Variants in OR11H6 observed in about 807,000 individuals in gnomAD.
The protein encoded by OR11H6 is olfactory receptor family 11 subfamily H member 6, also known as olfactory receptor 11H6.
In OR11H6, 4 loss-of-function variants were observed where a neutral mutation model predicts 9.2. The observed-to-expected ratio is 0.44, with a 90% CI of 0.21 to 1.00. OR11H6 has a LOEUF of 1.00. Ranked by LOEUF, OR11H6 falls within the 50% of genes least tolerant of loss-of-function variation. OR11H6 has a pLI of 0.26. For synonymous variants in OR11H6, 136 were observed against 148.9 expected (o/e 0.91, Z 0.63); for missense variants, 381 against 390.9 (o/e 0.97, Z 0.21).
In OR11H6 at chr14:20,223,802, C is replaced by A. The variant is rs569846585; in HGVS notation, c.93C>A (p.Val31=). 21 of 1,614,046 alleles carry A rather than the reference C, an allele frequency of 1.3e-5. No homozygotes were observed. The African/African-American group carries it at 2.7e-4, about 20-fold the overall frequency. ...NRTMHFVTEF[V]LLGFHGQREM... is the part of the protein sequence containing the mutation. ...CAATGCATTTTGTGACTGAGTTTGTCCTCCTGGGTTTCCATGGTCAAAGGG... is the reference window on the plus strand; with the variant it reads ...CAATGCATTTTGTGACTGAGTTTGTACTCCTGGGTTTCCATGGTCAAAGGG... The change falls in exon 1 of 1, where the codon GTC becomes GTA. Residue 31 remains valine (V), a synonymous_variant. Transcript: ENST00000315519.
Position 20,224,132 on chromosome 14 carries a change from C to T in OR11H6, c.423C>T (p.Tyr141=), listed in dbSNP as rs34693535. The change falls in exon 1 of 1, where the codon TAC becomes TAT. Residue 141 remains tyrosine, a synonymous_variant. Coordinates refer to ENST00000315519, the MANE Select transcript of OR11H6 (RefSeq NM_001004480.1). Reference sequence around the variant, plus strand: ...TATCAGTTATGGCTTATGATCGGTACCTGGCCATCTGTCGTCCATTACACT... The same window carrying T: ...TATCAGTTATGGCTTATGATCGGTATCTGGCCATCTGTCGTCCATTACACT... ...FFLSVMAYDR[Y]LAICRPLHYP... The T allele has an allele frequency of 0.47, 753,737 of 1,611,888 alleles. 179,908 individuals are homozygous for T. Among genetic ancestry groups the T allele is most frequent in the African/African-American group, 0.52 (38,615 of 74,900 alleles).
In OR11H6 at chr14:20,224,016, A is replaced by G. The variant is rs748818827; in HGVS notation, c.307A>G (p.Ile103Val). ...CACTGTCCCAAACATGCTAGTCAAT[A>G]TCCTCTCTGAGATTAAAACCATCTC... Reference protein sequence around the residue: ...SSTVPNMLVNILSEIKTISFS... With the variant: ...SSTVPNMLVNVLSEIKTISFS... Residue 103 changes from isoleucine (I) to valine (V), a missense_variant, in exon 1 of 1, where the codon ATC becomes GTC. Coordinates refer to ENST00000315519, the MANE Select transcript of OR11H6 (RefSeq NM_001004480.1). The G allele has an allele frequency of 9.9e-6, 16 of 1,614,086 alleles. No individual in the cohort carries two copies. Among genetic ancestry groups the G allele is most frequent in the Non-Finnish European group, 1.4e-5 (16 of 1,179,990 alleles).
At position 20,224,088 on chromosome 14, in the gene OR11H6, A is replaced by G; in HGVS notation, c.379A>G (p.Thr127Ala). Residue 127 changes from threonine to alanine, a missense_variant, in exon 1 of 1, where the codon ACA (threonine) becomes GCA (alanine). Thr to Ala is a moderately conservative substitution (Grantham distance 58). Transcript: ENST00000315519. Reference sequence around the variant, plus strand: ...ATTCTATTTCTTTTTTTCACTGGGTACAACAGAGTGTTTCTTTTTATCAGT... The same window carrying G: ...ATTCTATTTCTTTTTTTCACTGGGTGCAACAGAGTGTTTCTTTTTATCAGT... ...LQFYFFFSLGTTECFFLSVMA... is the reference protein window; with the variant it reads ...LQFYFFFSLGATECFFLSVMA... 1.9e-6 allele frequency: 3 copies of G among 1,613,844 alleles called. No homozygotes were observed. Among genetic ancestry groups the G allele is most frequent in the Non-Finnish European group, 2.5e-6 (3 of 1,179,736 alleles).
Position 20,223,909 on chromosome 14 carries a change from T to C in OR11H6, c.200T>C (p.Val67Ala), listed in dbSNP as rs1443427372. 1 of 1,614,042 alleles carries C rather than the reference T, an allele frequency of 6.2e-7. No individual in the cohort carries two copies. The highest frequency in any genetic ancestry group is 8.5e-7 in the Non-Finnish European group (1 of 1,180,028). ...LLGNGAIVCA[V>A]KLDRRLHTPM... ...GGGAATGGAGCTATTGTCTGTGCAG[T>C]GAAATTGGACAGGCGGCTCCACACA... Residue 67 changes from valine to alanine, a missense_variant, in exon 1 of 1, where the codon GTG becomes GCG. Physicochemically the swap from Val to Ala is moderately conservative, Grantham distance 64. Transcript: ENST00000315519.
At position 20,224,610 on chromosome 14, in the gene OR11H6, C is replaced by G; in HGVS notation, c.901C>G (p.Pro301Ala). The stretch of plus-strand genomic sequence containing the variant: ...CACTCTGGTATACACAGCAATGACT[C>G]CATTCTTAAATCCCCTTATCTATAG... ...IITLVYTAMTPFLNPLIYSLR... is the reference protein window; with the variant it reads ...IITLVYTAMTAFLNPLIYSLR... The change falls in exon 1 of 1, where the codon CCA becomes GCA. Residue 301 changes from proline to alanine, a missense_variant. Physicochemically the swap from Pro to Ala is conservative, Grantham distance 27. Transcript: ENST00000315519. 6.2e-7 allele frequency: 1 copy of G among 1,614,030 alleles called. No individual in the cohort carries two copies. Among genetic ancestry groups the G allele is most frequent in the South Asian group, 1.1e-5 (1 of 91,074 alleles).
In OR11H6 at chr14:20,224,323, T is replaced by C; in HGVS notation, c.614T>C (p.Leu205Pro). The C allele has an allele frequency of 6.2e-7, 1 of 1,613,960 alleles. No homozygotes were observed. The highest frequency in any genetic ancestry group is 8.5e-7 in the Non-Finnish European group (1 of 1,179,830). ...LVCDPGPLFA[L>P]ACISAPSTEL... ...TGTGACCCAGGCCCATTGTTTGCAC[T>C]GGCCTGCATCTCTGCTCCTTCCACT... The change falls in exon 1 of 1, where the codon CTG becomes CCG. Residue 205 changes from leucine (L) to proline (P), a missense_variant. By Grantham distance (98) the Leu-to-Pro change is moderately conservative. Coordinates refer to ENST00000315519, the MANE Select transcript of OR11H6 (RefSeq NM_001004480.1).
At position 20,224,015 on chromosome 14, in the gene OR11H6, T is replaced by C. The variant is rs752879924; in HGVS notation, c.306T>C (p.Asn102=). Reference sequence around the variant, plus strand: ...CCACTGTCCCAAACATGCTAGTCAATATCCTCTCTGAGATTAAAACCATCT... The same window carrying C: ...CCACTGTCCCAAACATGCTAGTCAACATCCTCTCTGAGATTAAAACCATCT... ...ISSTVPNMLV[N]ILSEIKTISF... is the part of the protein sequence containing the mutation. The change falls in exon 1 of 1, where the codon AAT becomes AAC. Residue 102 remains asparagine (N), a synonymous_variant. Coordinates refer to ENST00000315519, the MANE Select transcript of OR11H6 (RefSeq NM_001004480.1). 6 of 1,614,152 alleles carry C rather than the reference T, an allele frequency of 3.7e-6. No individual in the cohort carries two copies. Among genetic ancestry groups the C allele is most frequent in the East Asian group, 4.5e-5 (2 of 44,892 alleles).
chr14:20,224,346 A>G lies in OR11H6; in HGVS notation c.637A>G (p.Thr213Ala). ...FALACISAPSTELICYTFNSM... is the reference protein window; with the variant it reads ...FALACISAPSAELICYTFNSM... ...ACTGGCCTGCATCTCTGCTCCTTCC[A>G]CTGAGCTTATCTGTTACACCTTCAA... The change falls in exon 1 of 1, where the codon ACT becomes GCT. Residue 213 changes from threonine (T) to alanine (A), a missense_variant. By Grantham distance (58) the Thr-to-Ala change is moderately conservative. Coordinates refer to ENST00000315519, the MANE Select transcript of OR11H6 (RefSeq NM_001004480.1). 1.9e-6 allele frequency: 3 copies of G among 1,613,988 alleles called. No homozygotes were observed. The highest frequency in any genetic ancestry group is 1.7e-6 in the Non-Finnish European group (2 of 1,179,998).
rs1192113859 is a variant in OR11H6 at position 20,224,050 on chromosome 14, G to A, written c.341G>A (p.Gly114Asp). Reference protein sequence around the residue: ...LSEIKTISFSGCFLQFYFFFS... With the variant: ...LSEIKTISFSDCFLQFYFFFS... ...GAGATTAAAACCATCTCCTTCTCTGGTTGCTTCCTGCAATTCTATTTCTTT... is the reference window on the plus strand; with the variant it reads ...GAGATTAAAACCATCTCCTTCTCTGATTGCTTCCTGCAATTCTATTTCTTT... The change falls in exon 1 of 1, where the codon GGT (glycine) becomes GAT (aspartate). Residue 114 changes from glycine to aspartate, a missense_variant. Transcript: ENST00000315519. 5 of 1,613,542 alleles carry A rather than the reference G, an allele frequency of 3.1e-6. No individual in the cohort carries two copies. The highest frequency in any genetic ancestry group is 4.2e-6 in the Non-Finnish European group (5 of 1,179,694).
rs1459529479 is a variant in OR11H6, at chr14:20,223,811, T to A, written c.102T>A (p.Gly34=). 3.1e-6 allele frequency: 5 copies of A among 1,614,112 alleles called. No individual in the cohort carries two copies. The Admixed American group carries it at 6.7e-5, about 22-fold the overall frequency. The change falls in exon 1 of 1, where the codon GGT becomes GGA. Residue 34 remains glycine (G), a synonymous_variant. Transcript: ENST00000315519. ...TTGTGACTGAGTTTGTCCTCCTGGG[T>A]TTCCATGGTCAAAGGGAGATGCAGA... ...MHFVTEFVLL[G]FHGQREMQSC...
In OR11H6 at chr14:20,224,365, C is replaced by T. The variant is rs781717037; in HGVS notation, c.656C>T (p.Thr219Ile). 1.9e-6 allele frequency: 3 copies of T among 1,614,166 alleles called. No homozygotes were observed. The highest frequency in any genetic ancestry group is 1.7e-6 in the Non-Finnish European group (2 of 1,180,006). Residue 219 changes from threonine (T) to isoleucine (I), a missense_variant, in exon 1 of 1, where the codon ACC becomes ATC. Thr to Ile is a moderately conservative substitution (Grantham distance 89). Transcript: ENST00000315519. ...CCTTCCACTGAGCTTATCTGTTACA[C>T]CTTCAACTCGATGATTATCTTTGGG... ...SAPSTELICY[T>I]FNSMIIFGPF...
rs774282543 is a variant in OR11H6, at chr14:20,224,180, G to A, written c.471G>A (p.Lys157=). 2 of 1,613,964 alleles carry A rather than the reference G, an allele frequency of 1.2e-6. No individual in the cohort carries two copies. The highest frequency in any genetic ancestry group is 2.2e-5 in the South Asian group (2 of 91,082). The change falls in exon 1 of 1, where the codon AAG becomes AAA. Residue 157 remains lysine, a synonymous_variant. Transcript: ENST00000315519. ...ACTACCCCTCCATCATGACTGGGAA[G>A]TTCTGTATAATTCTGGTCTGTGTAT... ...PLHYPSIMTG[K]FCIILVCVCW... is the part of the protein sequence containing the mutation.
chr14:20,223,843 T>G lies in OR11H6; in HGVS notation c.134T>G (p.Phe45Cys), dbSNP rs375505746. The G allele has an allele frequency of 2.0e-4, 321 of 1,614,136 alleles. 3 individuals carry two copies. In the South Asian group the frequency reaches 2.4e-3, roughly 12 times the overall value. ...GGTCAAAGGGAGATGCAGAGCTGCT[T>G]CTTCTCATTCATCCTGGTTCTCTAT... ...FHGQREMQSC[F>C]FSFILVLYLL... is the part of the protein sequence containing the mutation. Residue 45 changes from phenylalanine (F) to cysteine (C), a missense_variant, in exon 1 of 1, where the codon TTC becomes TGC. By Grantham distance (205) the Phe-to-Cys change is radical. Transcript: ENST00000315519.
chr14:20,224,662 C>T lies in OR11H6; in HGVS notation c.953C>T (p.Ala318Val). Residue 318 changes from alanine to valine, a missense_variant, in exon 1 of 1, where the codon GCT (alanine) becomes GTT (valine). Physicochemically the swap from Ala to Val is moderately conservative, Grantham distance 64 (BLOSUM62 0). Transcript: ENST00000315519. ...CTTCGAAACAAAGACATGAAAGATG[C>T]TCTAAAGAGAGTCCTGGGGTTAACA... The part of the protein sequence containing the change: ...YSLRNKDMKD[A>V]LKRVLGLTVS... 4 of 1,612,830 alleles carry T rather than the reference C, an allele frequency of 2.5e-6. No homozygotes were observed. Among genetic ancestry groups the T allele is most frequent in the Non-Finnish European group, 2.5e-6 (3 of 1,179,224 alleles).
rs1371991849 is a variant in OR11H6, at chr14:20,224,315, G to A, written c.606G>A (p.Leu202=). 6.2e-7 allele frequency: 1 copy of A among 1,613,928 alleles called. No homozygotes were observed. Among genetic ancestry groups the A allele is most frequent in the Admixed American group, 1.7e-5 (1 of 60,016 alleles). ...ACTTGGTGTGTGACCCAGGCCCATT[G>A]TTTGCACTGGCCTGCATCTCTGCTC... ...IDHLVCDPGP[L]FALACISAPS... Residue 202 remains leucine, a synonymous_variant, in exon 1 of 1, where the codon TTG becomes TTA. Transcript: ENST00000315519.
In OR11H6 at chr14:20,224,162, C is replaced by T. The variant is rs1242592522; in HGVS notation, c.453C>T (p.Pro151=). 1 of 1,613,746 alleles carries T rather than the reference C, an allele frequency of 6.2e-7. No individual in the cohort carries two copies. Among genetic ancestry groups the T allele is most frequent in the Admixed American group, 1.7e-5 (1 of 60,018 alleles). The change falls in exon 1 of 1, where the codon CCC becomes CCT. Residue 151 remains proline (P), a synonymous_variant. Transcript: ENST00000315519. ...CCATCTGTCGTCCATTACACTACCC[C>T]TCCATCATGACTGGGAAGTTCTGTA... ...YLAICRPLHY[P]SIMTGKFCII...
At position 20,224,284 on chromosome 14, in the gene OR11H6, T is replaced by C. The variant is rs375617719; in HGVS notation, c.575T>C (p.Ile192Thr). Residue 192 changes from isoleucine (I) to threonine (T), a missense_variant, in exon 1 of 1, where the codon ATT (isoleucine) becomes ACT (threonine). Transcript: ENST00000315519. The part of the protein sequence containing the change: ...SQLPFCGPNI[I>T]DHLVCDPGPL... ...CTTCCCTTCTGTGGGCCCAACATCA[T>C]TGACCACTTGGTGTGTGACCCAGGC... 5.6e-6 allele frequency: 9 copies of C among 1,613,952 alleles called. No homozygotes were observed. In the African/African-American group the frequency reaches 8.0e-5, roughly 14 times the overall value.
Position 20,223,752 on chromosome 14 carries a change from A to T in OR11H6, c.43A>T (p.Thr15Ser). 2.5e-6 allele frequency: 4 copies of T among 1,612,596 alleles called. No individual in the cohort carries two copies. The highest frequency in any genetic ancestry group is 3.4e-6 in the Non-Finnish European group (4 of 1,179,492). Residue 15 changes from threonine (T) to serine (S), a missense_variant, in exon 1 of 1, where the codon ACA (threonine) becomes TCA (serine). Transcript: ENST00000315519. The part of the protein sequence containing the change: ...IHSLVTSVFL[T>S]ALGPQNRTMH... ...TTCTTTGGTTACTTCTGTTTTTCTA[A>T]CAGCTTTGGGACCCCAGAACAGAAC...
Position 20,224,335 on chromosome 14 carries a change from C to G in OR11H6, c.626C>G (p.Ser209Cys), listed in dbSNP as rs1387493900. ...CCATTGTTTGCACTGGCCTGCATCT[C>G]TGCTCCTTCCACTGAGCTTATCTGT... ...PGPLFALACI[S>C]APSTELICYT... The change falls in exon 1 of 1, where the codon TCT (serine) becomes TGT (cysteine). Residue 209 changes from serine to cysteine, a missense_variant. Coordinates refer to ENST00000315519, the MANE Select transcript of OR11H6 (RefSeq NM_001004480.1). 3 of 1,614,046 alleles carry G rather than the reference C, an allele frequency of 1.9e-6. No individual in the cohort carries two copies. Among genetic ancestry groups the G allele is most frequent in the East Asian group, 2.2e-5 (1 of 44,894 alleles).
Sources: gnomAD v4.1 joint callset for allele counts on GRCh38, gnomAD v4.1.1 for gene constraint, MANE v1.5 for transcripts, NCBI Gene and HGNC (gene_info 2026-07-23, HGNC 2026-07-21) for gene names.